Variants in SMARCA2 observed in about 807,000 individuals in gnomAD.
SMARCA2 encodes the protein SWI/SNF-related matrix-associated actin-dependent regulator of chromatin subfamily A member 2.
A neutral mutation model predicts 199.8 loss-of-function variants in SMARCA2; 61 were observed. That is an observed-to-expected ratio of 0.31 (90% CI 0.25 to 0.38). The LOEUF (loss-of-function observed/expected upper bound fraction) is 0.38. Among genes scored for constraint, SMARCA2 ranks in the 10% least tolerant of loss-of-function variants. The pLI is 1.00. For synonymous variants in SMARCA2, 935 were observed against 732.0 expected, an observed-to-expected ratio of 1.28 and a Z score of -4.48; for missense variants, 1,344 against 2,012.2, an observed-to-expected ratio of 0.67 and a Z score of 6.35.
intron 27 of SMARCA2, among the ~76,000 whole-genome samples, chr9:2,153,348 G>A (rs139578787): frequency 2.5e-3 from 379 of 152,248 alleles, no homozygotes; most frequent in Non-Finnish European, 4.0e-3. Flanking sequence ...ACAAGTGTAA[G>A]CAACATAGCC....
At chr9:2,182,407 G>C (rs929216190) in intron 31 of SMARCA2, among the ~76,000 whole-genome samples, 165 bp downstream of exon 31, 1 of 151,100 alleles carries the variant, frequency 6.6e-6, no homozygotes, top group South Asian at 2.1e-4. Context: ...TAGAGGCTTT[G>C]GCATCTGCAG....
chr9:2,171,765 G>T (rs1826259838), intron 29 of SMARCA2, among the ~76,000 whole-genome samples: 1 of 152,190 alleles, frequency 6.6e-6, no homozygotes, highest in Non-Finnish European at 1.5e-5. Context: ...GGAGGCCTTA[G>T]GGCTAAATGG....
At chr9:2,103,652 G>C (rs916923716) in intron 22 of SMARCA2, among the ~76,000 whole-genome samples, 7 of 143,312 alleles carry the variant, frequency 4.9e-5, no homozygotes, top group Non-Finnish European at 8.8e-5. Flanking sequence ...ACGTGTGTGT[G>C]TGTGTGTGTG....
chr9:2,102,906 C>G (rs1442428275), intron 22 of SMARCA2, among the ~76,000 whole-genome samples: 2 of 151,920 alleles, frequency 1.3e-5, no homozygotes, highest in Admixed American at 6.6e-5. Context: ...TCCTCCACCT[C>G]TCTGTCTTCA....
intron 21 of SMARCA2, among the ~76,000 whole-genome samples, chr9:2,098,300 C>T (rs1822359563): frequency 6.6e-6 from 1 of 152,214 alleles, no homozygotes; most frequent in African/African-American, 2.4e-5. Context: ...TTAAAAAATA[C>T]ATAGAAACTT....
chr9:2,160,488 A>C, intron 27 of SMARCA2: 1 of 579,172 alleles, frequency 1.7e-6, no homozygotes, highest in South Asian at 2.2e-5. Context: ...TCTTCACAAA[A>C]CCTTTCTTTT....
At chr9:2,107,077 C>A (rs1247547790) in intron 23 of SMARCA2, among the ~76,000 whole-genome samples, 1 of 151,850 alleles carries the variant, frequency 6.6e-6, no homozygotes, top group Non-Finnish European at 1.5e-5. Flanking sequence ...GTTTGAATCT[C>A]CCTGAACAAT....
At position 2,160,508 on chromosome 9, in the gene SMARCA2, G is replaced by A. The variant is rs145205746; in HGVS notation, c.3982-1178G>A. 2.4e-4 allele frequency: 154 copies of A among 629,970 alleles called. 1 individual carries two copies. Among genetic ancestry groups the A allele is most frequent in the African/African-American group, 2.4e-3 (131 of 55,394 alleles). The allele number at this position is 629,970 out of a possible 1,614,324, so 39.0% of individuals were successfully genotyped here. On this transcript the variant is annotated intron_variant, in intron 27 of 33. Coordinates refer to ENST00000349721, the MANE Select transcript of SMARCA2 (RefSeq NM_003070.5). ...ACAAAACCTTTCTTTTTCAGGAAGC[G>A]TTGTACATAAGTGAAAGAAATTATG...
Position 2,105,655 on chromosome 9 carries a change from G to C in SMARCA2, c.3292+1486G>C, listed in dbSNP as rs546600695. ...GTCCTATTAGGCACAGTTTTTCTCTGTTGGCAAATTTCCTTTATTGTCTCT... is the reference window on the plus strand; with the variant it reads ...GTCCTATTAGGCACAGTTTTTCTCTCTTGGCAAATTTCCTTTATTGTCTCT... On this transcript the variant is annotated intron_variant, in intron 23 of 33. Transcript: ENST00000349721. 1.8e-4 allele frequency among the ~76,000 whole-genome samples: 27 copies of C among 152,278 alleles called. No homozygotes were observed. In the South Asian group the frequency reaches 5.4e-3, roughly 30 times the overall value.
In SMARCA2 at chr9:2,186,113, C is replaced by T. The variant is rs111380592; in HGVS notation, c.4479C>T (p.Ile1493=). The T allele has an allele frequency of 6.4e-4, 1,040 of 1,613,838 alleles. 1 individual carries two copies. The highest frequency in any genetic ancestry group is 8.2e-4 in the Non-Finnish European group (964 of 1,179,772). ...CCATTTAGATCTATGAAGACTCCAT[C>T]GTCTTACAGTCAGTGTTTAAGAGTG... ...LEGSQIYEDS[I]VLQSVFKSAR... Residue 1493 remains isoleucine (I), a synonymous_variant, in exon 32 of 34, where the codon ATC becomes ATT. Transcript: ENST00000349721.
intron 32 of SMARCA2, among the ~76,000 whole-genome samples, chr9:2,186,644 G>C (rs921182885): frequency 5.3e-5 from 8 of 152,120 alleles, no homozygotes; most frequent in African/African-American, 1.7e-4. Flanking sequence ...ACCTGCCTCA[G>C]CCTCCCGAGT....
intron 28 of SMARCA2, among the ~76,000 whole-genome samples, chr9:2,164,099 ACT>A (rs574617125): frequency 1.9e-3 from 285 of 152,064 alleles, no homozygotes; most frequent in African/African-American, 6.5e-3. Flanking sequence ...AATCCCCGTC[ACT>A]CTGTATCATC....
chr9:2,050,809 C>G (rs916910398), intron 5 of SMARCA2, among the ~76,000 whole-genome samples: 1 of 152,178 alleles, frequency 6.6e-6, no homozygotes, highest in African/African-American at 2.4e-5. Flanking sequence ...AGATAACTCT[C>G]CTACAGGAAT....
intron 13 of SMARCA2, among the ~76,000 whole-genome samples, chr9:2,076,746 A>C (rs948948797): frequency 2.0e-5 from 3 of 151,786 alleles, no homozygotes; most frequent in Non-Finnish European, 2.9e-5. Flanking sequence ...CAAGTGAGAG[A>C]CACCATTCCT....
chr9:2,188,832 A>C (rs1827673607), intron 32 of SMARCA2, among the ~76,000 whole-genome samples: 1 of 152,152 alleles, frequency 6.6e-6, no homozygotes, highest in Non-Finnish European at 1.5e-5. Context: ...TTCTCAGCAG[A>C]GTTCAATTTC....
intron 3 of SMARCA2, among the ~76,000 whole-genome samples, chr9:2,038,160 A>G (rs1275263710): frequency 6.6e-6 from 1 of 152,252 alleles, no homozygotes; most frequent in African/African-American, 2.4e-5. Flanking sequence ...GATCATGGAA[A>G]GGGCATATGC....
intron 33 of SMARCA2, chr9:2,191,660 C>T: frequency 5.8e-6 from 2 of 344,836 alleles, no homozygotes; most frequent in Non-Finnish European, 1.1e-5. Flanking sequence ...TCCCTTTCCC[C>T]CTTTTTAATC....
chr9:2,090,748 C>T (rs561636587), intron 19 of SMARCA2, among the ~76,000 whole-genome samples: 12 of 152,080 alleles, frequency 7.9e-5, no homozygotes, highest in African/African-American at 2.7e-4. Flanking sequence ...TTCCGGTAGC[C>T]CCCCCACATC....
At chr9:2,072,395 A>G (rs1052005007) in intron 10 of SMARCA2, among the ~76,000 whole-genome samples, 7 of 152,346 alleles carry the variant, frequency 4.6e-5, no homozygotes, top group Admixed American at 3.3e-4. Flanking sequence ...CCTTGGATAT[A>G]GTAGTCTAGT....
Sources: gnomAD v4.1 joint callset for allele counts (sites outside exome capture counted in the v4.1 genomes callset) on GRCh38, gnomAD v4.1.1 for gene constraint, MANE v1.5 for transcripts, NCBI Gene and HGNC (gene_info 2026-07-23, HGNC 2026-07-21) for gene names.